EPHA5: variants seen among roughly 807,000 people sequenced by gnomAD.
EPHA5 encodes the protein EPH receptor A5, also known as ephrin type-A receptor 5.
Under a neutral mutation model 105.0 loss-of-function variants are expected in EPHA5, and 60 were observed. That is an observed-to-expected ratio of 0.57 (90% confidence interval 0.46 to 0.71). The LOEUF (loss-of-function observed/expected upper bound fraction) is 0.71, where lower values mean the gene tolerates loss of function less well. Among genes scored for constraint, EPHA5 ranks in the 30% least tolerant of loss-of-function variants. The pLI is 0.00. For synonymous variants in EPHA5, 513 were observed against 449.1 expected (o/e 1.14, Z -1.80); for missense variants, 1,218 against 1,274.7 (o/e 0.96, Z 0.68).
chr4:65,461,172 G>C (rs1476973364), intron 5 of EPHA5, among the ~76,000 whole-genome samples: 1 of 151,888 alleles, frequency 6.6e-6, no homozygotes, highest in Non-Finnish European at 1.5e-5. Flanking sequence ...TATTGTAAAT[G>C]TACACCTAGC....
At chr4:65,531,060 T>G (rs1735739751) in intron 3 of EPHA5, among the ~76,000 whole-genome samples, 1 of 150,998 alleles carries the variant, frequency 6.6e-6, no homozygotes, top group Non-Finnish European at 1.5e-5. Context: ...AGACGGAGTC[T>G]CGCTCTGTCG....
In EPHA5 at chr4:65,669,938, G is replaced by T. The variant is rs1394824995; in HGVS notation, c.-196C>A. ...CTGAAGTTTGCTTCTGGCTCCTCTC[G>T]CCTCCCCCTTTGGTGGGGTTAAATG... On this transcript the variant is annotated 5_prime_UTR_variant, in exon 1 of 17. Transcript: ENST00000613740. 2.5e-6 allele frequency: 2 copies of T among 784,614 alleles called. No homozygotes were observed. The highest frequency in any genetic ancestry group is 6.8e-5 in the South Asian group (1 of 14,806). The allele number at this position is 784,614 out of a possible 1,614,324, so 48.6% of individuals were successfully genotyped here.
At chr4:65,368,049 A>G (rs551574173) in intron 8 of EPHA5, among the ~76,000 whole-genome samples, 1 of 152,204 alleles carries the variant, frequency 6.6e-6, no homozygotes, top group Non-Finnish European at 1.5e-5. Flanking sequence ...TTACTAGGAA[A>G]AAAAATCTGT....
intron 3 of EPHA5, chr4:65,574,196 G>A: frequency 6.2e-7 from 1 of 1,604,534 alleles, no homozygotes; most frequent in Non-Finnish European, 8.5e-7. Flanking sequence ...TTACGGAGCA[G>A]CGCAAGATTG....
intron 8 of EPHA5, 98 bp downstream of exon 8, chr4:65,404,276 C>A (rs1212525237): frequency 1.1e-5 from 9 of 845,838 alleles, no homozygotes; most frequent in Non-Finnish European, 1.8e-5. Context: ...ATATTGCTTG[C>A]CTGATTTGTT....
intron 8 of EPHA5, among the ~76,000 whole-genome samples, chr4:65,380,304 T>G (rs953144198): frequency 6.6e-6 from 1 of 151,802 alleles, no homozygotes; most frequent in African/African-American, 2.4e-5. Flanking sequence ...GATATTTCCA[T>G]TTGTCCTTCA....
chr4:65,593,916 AT>A (rs1460569011), intron 3 of EPHA5, among the ~76,000 whole-genome samples: 1 of 152,192 alleles, frequency 6.6e-6, no homozygotes, highest in African/African-American at 2.4e-5. Context: ...TCGCATTCAT[AT>A]TTTGAACTAT....
At chr4:65,406,127 T>G (rs939147510) in intron 7 of EPHA5, among the ~76,000 whole-genome samples, 5 of 152,160 alleles carry the variant, frequency 3.3e-5, no homozygotes, top group African/African-American at 1.2e-4. Context: ...AAGATCTCCC[T>G]CTGGGAGAGG....
At chr4:65,385,927 A>G (rs928451042) in intron 8 of EPHA5, among the ~76,000 whole-genome samples, 2 of 151,908 alleles carry the variant, frequency 1.3e-5, no homozygotes, top group East Asian at 1.9e-4. Context: ...CAACATAGAC[A>G]AAATAATACC....
At chr4:65,507,014 T>C (rs76166407) in intron 3 of EPHA5, among the ~76,000 whole-genome samples, 66,285 of 152,024 alleles carry the variant, frequency 0.44, 16,821 homozygotes, top group East Asian at 0.62. Context: ...AACATTTAAG[T>C]CTTTAATCCA....
At chr4:65,446,079 A>G (rs1239320570) in intron 5 of EPHA5, among the ~76,000 whole-genome samples, 1 of 152,200 alleles carries the variant, frequency 6.6e-6, no homozygotes, top group Non-Finnish European at 1.5e-5. Context: ...TTTGTAAAAC[A>G]AAAGTTAGAT....
chr4:65,476,127 A>AGAGAGTGTGTGTGTGTGTGTGT (rs1425495059), intron 5 of EPHA5, among the ~76,000 whole-genome samples: 1 of 119,106 alleles, frequency 8.4e-6, no homozygotes, highest in Non-Finnish European at 1.8e-5. Flanking sequence ...AGAGAGAGAG[A>AGAGAGTGTGTGTGTGTGTGTGT]GTGTGTGTGT....
chr4:65,326,952 G>A (rs900768029), intron 16 of EPHA5, among the ~76,000 whole-genome samples: 7 of 151,134 alleles, frequency 4.6e-5, no homozygotes, highest in Non-Finnish European at 1.5e-5. Context: ...TAAATTTGAA[G>A]CATGTATGGG....
chr4:65,537,828 G>C (rs1736433349), intron 3 of EPHA5, among the ~76,000 whole-genome samples: 1 of 151,568 alleles, frequency 6.6e-6, no homozygotes, highest in Non-Finnish European at 1.5e-5. Context: ...AGAAAAGAGA[G>C]GTAGAAAATA....
chr4:65,328,033 T>C (rs77216368), intron 16 of EPHA5, among the ~76,000 whole-genome samples: 12,565 of 151,198 alleles, frequency 0.083, 596 homozygotes, highest in Middle Eastern at 0.14. Flanking sequence ...TTTAATTTCA[T>C]TTTTCTAAGT....
At chr4:65,390,929 A>C (rs1720654319) in intron 8 of EPHA5, among the ~76,000 whole-genome samples, 1 of 152,020 alleles carries the variant, frequency 6.6e-6, no homozygotes, top group African/African-American at 2.4e-5. Flanking sequence ...TACTGCTATA[A>C]AGAACTGCTG....
At chr4:65,415,477 A>G (rs1331828869) in intron 6 of EPHA5, among the ~76,000 whole-genome samples, 1 of 152,004 alleles carries the variant, frequency 6.6e-6, no homozygotes, top group Non-Finnish European at 1.5e-5. Flanking sequence ...CAATCTATAA[A>G]CATTTTTCTT....
At chr4:65,329,383 C>A (rs566748355) in intron 16 of EPHA5, among the ~76,000 whole-genome samples, 3 of 151,470 alleles carry the variant, frequency 2.0e-5, no homozygotes, top group Admixed American at 6.6e-5. Flanking sequence ...TGGCAACAAT[C>A]CATATACAAG....
chr4:65,632,195 C>G (rs1578637128), intron 2 of EPHA5, among the ~76,000 whole-genome samples: 1 of 152,014 alleles, frequency 6.6e-6, no homozygotes, highest in African/African-American at 2.4e-5. Flanking sequence ...TAGCTGATGT[C>G]AAGACCTCTA....
Sources: allele counts gnomAD v4.1 joint callset (sites outside exome capture counted in the v4.1 genomes callset), GRCh38; gene constraint gnomAD v4.1.1; transcripts MANE v1.5; gene names NCBI Gene and HGNC (gene_info 2026-07-23, HGNC 2026-07-21).